Variants in DPYD observed in about 807,000 individuals in gnomAD.
DPYD encodes dihydropyrimidine dehydrogenase, also known as dihydropyrimidine dehydrogenase [NADP(+)].
DPYD carries 109 observed loss-of-function variants against 116.2 expected under a neutral mutation model. The ratio of observed to expected loss-of-function variants is 0.94; its 90% CI spans 0.80 to 1.10. DPYD has a LOEUF of 1.10. Ranked by LOEUF, DPYD falls within the 50% of genes least tolerant of loss-of-function variation. The pLI is 0.00. For missense variants in DPYD, 1,302 were observed against 1,254.5 expected (o/e 1.04, Z -0.57); for synonymous variants, 440 against 432.0 (o/e 1.02, Z -0.23).
intron 8 of DPYD, among the ~76,000 whole-genome samples, chr1:97,677,496 C>A (rs1271933832): frequency 6.6e-6 from 1 of 152,050 alleles, no homozygotes; most frequent in African/African-American, 2.4e-5. Flanking sequence ...TGCCCAATTT[C>A]TTTACATTAA....
chr1:97,168,463 C>G (rs531007591), intron 20 of DPYD, among the ~76,000 whole-genome samples: 2 of 152,158 alleles, frequency 1.3e-5, no homozygotes, highest in Non-Finnish European at 2.9e-5. Flanking sequence ...AATGAGGTAA[C>G]TGAAGTAAAG....
intron 18 of DPYD, among the ~76,000 whole-genome samples, chr1:97,277,826 T>C (rs1278563449): frequency 6.6e-6 from 1 of 152,194 alleles, no homozygotes; most frequent in Non-Finnish European, 1.5e-5. Flanking sequence ...TTAGATCATA[T>C]AACTACCTTA....
intron 3 of DPYD, among the ~76,000 whole-genome samples, chr1:97,750,788 A>C (rs1664832791): frequency 1.3e-5 from 2 of 152,190 alleles, no homozygotes; most frequent in Non-Finnish European, 2.9e-5. Flanking sequence ...ACAAGGATTG[A>C]AAGTGTAGTA....
chr1:97,700,347 T>C, intron 5 of DPYD: 1 of 449,132 alleles, frequency 2.2e-6, no homozygotes, highest in Non-Finnish European at 4.4e-6. Context: ...ATTCTTAAAG[T>C]GCATATGACA....
intron 18 of DPYD, among the ~76,000 whole-genome samples, chr1:97,253,820 T>C (rs1663267515): frequency 6.6e-6 from 1 of 152,156 alleles, no homozygotes; most frequent in African/African-American, 2.4e-5. Context: ...TATATAACAC[T>C]TGGATTCTTC....
intron 13 of DPYD, among the ~76,000 whole-genome samples, chr1:97,484,746 T>C (rs536013036): frequency 5.3e-5 from 8 of 152,368 alleles, no homozygotes; most frequent in Non-Finnish European, 8.8e-5. Context: ...ACTCTTAAAA[T>C]ACATATTTAC....
intron 13 of DPYD, among the ~76,000 whole-genome samples, chr1:97,496,646 T>C (rs1398952552): frequency 1.3e-5 from 2 of 152,014 alleles, no homozygotes; most frequent in African/African-American, 4.8e-5. Context: ...CTATAATGTA[T>C]TCTCTATTCT....
At chr1:97,396,454 CCTTA>C (rs1401859051) in intron 14 of DPYD, among the ~76,000 whole-genome samples, 2 of 151,912 alleles carry the variant, frequency 1.3e-5, no homozygotes, top group African/African-American at 4.8e-5. Flanking sequence ...CAGAGGCTAA[CCTTA>C]TTTATATGAT....
intron 3 of DPYD, among the ~76,000 whole-genome samples, chr1:97,816,947 C>T (rs768218821): frequency 2.0e-5 from 3 of 152,136 alleles, no homozygotes; most frequent in Non-Finnish European, 4.4e-5. Context: ...CAGAGAAAAT[C>T]ACAAATTCTT....
chr1:97,106,107 G>C (rs1299746450), intron 20 of DPYD, among the ~76,000 whole-genome samples: 1 of 152,112 alleles, frequency 6.6e-6, no homozygotes, highest in East Asian at 1.9e-4. Flanking sequence ...AGGAAGGGTG[G>C]ACTGTAGGAT....
rs1347518991 is a variant in DPYD at position 97,311,439 on chromosome 1, C to T, written c.2059-5142G>A. On this transcript the variant is annotated intron_variant, in intron 16 of 22. Transcript: ENST00000370192. ...TGATCAGCCTTATGAACACCTTTCACATTTTTTCCATATAAGGACAATGCT... is the reference window on the plus strand; with the variant it reads ...TGATCAGCCTTATGAACACCTTTCATATTTTTTCCATATAAGGACAATGCT... Among the ~76,000 whole-genome samples, 5 of 151,868 alleles carry T rather than the reference C, an allele frequency of 3.3e-5. No homozygotes were observed. The East Asian group carries it at 9.7e-4, about 30-fold the overall frequency.
chr1:97,498,249 A>G (rs2101922594), intron 13 of DPYD, among the ~76,000 whole-genome samples: 1 of 151,852 alleles, frequency 6.6e-6, no homozygotes, highest in East Asian at 1.9e-4. Context: ...GTGATGATGG[A>G]TACACATTTG....
At chr1:97,310,134 C>G (rs559856781) in intron 16 of DPYD, among the ~76,000 whole-genome samples, 1 of 151,886 alleles carries the variant, frequency 6.6e-6, no homozygotes, top group East Asian at 1.9e-4. Context: ...TTCAAAATGG[C>G]TTTCTTAGAA....
chr1:97,419,704 C>G (rs564259351), intron 14 of DPYD, among the ~76,000 whole-genome samples: 95 of 152,076 alleles, frequency 6.2e-4, no homozygotes, highest in African/African-American at 2.2e-3. Flanking sequence ...GCATACAGTT[C>G]TGCAACTTGG....
rs920869556 is a variant in DPYD, at chr1:97,699,426, C to A, written c.605G>T (p.Cys202Phe). 1 of 1,613,518 alleles carries A rather than the reference C, an allele frequency of 6.2e-7. No individual in the cohort carries two copies. Among genetic ancestry groups the A allele is most frequent in the Non-Finnish European group, 8.5e-7 (1 of 1,179,716 alleles). The change falls in exon 6 of 23, where the codon TGT (cysteine) becomes TTT (phenylalanine). Residue 202 changes from cysteine (C) to phenylalanine (F), a missense_variant. Cys to Phe is a radical substitution (Grantham distance 205). Coordinates refer to ENST00000370192, the MANE Select transcript of DPYD (RefSeq NM_000110.4). ...LFGAGPASISCASFLARLGYS... is the reference protein window; with the variant it reads ...LFGAGPASISFASFLARLGYS... ...CCCCAATCGAGCCAAAAAGGAAGCA[C>A]AACTTATACTTGCAGGCCCAGCACC... is the stretch of plus-strand genomic sequence containing the variant.
At chr1:97,898,642 G>A (rs1468143000) in intron 1 of DPYD, among the ~76,000 whole-genome samples, 1 of 151,884 alleles carries the variant, frequency 6.6e-6, no homozygotes, top group African/African-American at 2.4e-5. Context: ...CTCAAATCCT[G>A]AGCAATATGG....
At chr1:97,163,089 A>G (rs1656051364) in intron 20 of DPYD, among the ~76,000 whole-genome samples, 1 of 151,692 alleles carries the variant, frequency 6.6e-6, no homozygotes, top group Non-Finnish European at 1.5e-5. Context: ...TTCATGTCTA[A>G]AACACCAAAA....
intron 18 of DPYD, among the ~76,000 whole-genome samples, chr1:97,258,596 C>G (rs1257340513): frequency 1.3e-5 from 2 of 152,118 alleles, no homozygotes; most frequent in East Asian, 1.9e-4. Flanking sequence ...CATCCAAGTC[C>G]TTGTCTTCAG....
chr1:97,424,465 C>T (rs1674754866), intron 14 of DPYD, among the ~76,000 whole-genome samples: 1 of 151,942 alleles, frequency 6.6e-6, no homozygotes, highest in Admixed American at 6.6e-5. Context: ...GAAAACAAGA[C>T]CTGCTAGAAT....
Sources: gnomAD v4.1 joint callset for allele counts (sites outside exome capture counted in the v4.1 genomes callset) on GRCh38, gnomAD v4.1.1 for gene constraint, MANE v1.5 for transcripts, NCBI Gene and HGNC (gene_info 2026-07-23, HGNC 2026-07-21) for gene names.